The following PTPRN2 variants were observed in gnomAD, a reference collection of about 807,000 sequenced individuals.
PTPRN2 encodes the protein receptor-type tyrosine-protein phosphatase N2.
Under a neutral mutation model 118.8 loss-of-function variants are expected in PTPRN2, and 74 were observed. The ratio of observed to expected loss-of-function variants is 0.62; its 90% CI spans 0.52 to 0.76. The LOEUF is 0.76. Ranked by LOEUF, PTPRN2 falls within the 30% of genes least tolerant of loss-of-function variation. The pLI is 0.00. For missense variants in PTPRN2, 1,481 were observed against 1,394.4 expected, an observed-to-expected ratio of 1.06 and a Z score of -0.99; for synonymous variants, 641 against 608.0, an observed-to-expected ratio of 1.05 and a Z score of -0.80.
chr7:157,642,935 T>C (rs1285068254), intron 14 of PTPRN2, among the ~76,000 whole-genome samples: 1 of 150,488 alleles, frequency 6.6e-6, no homozygotes, highest in African/African-American at 2.4e-5. Flanking sequence ...TCACAGCAGC[T>C]TACCTCTTTC....
intron 2 of PTPRN2, among the ~76,000 whole-genome samples, chr7:158,370,103 G>A (rs940748850): frequency 3.9e-5 from 6 of 152,156 alleles, no homozygotes; most frequent in Non-Finnish European, 8.8e-5. Context: ...GGTGCACGGC[G>A]GTGACTGACT....
chr7:157,744,557 G>T (rs186457542), intron 12 of PTPRN2, among the ~76,000 whole-genome samples: 14 of 152,320 alleles, frequency 9.2e-5, no homozygotes, highest in Admixed American at 8.5e-4. Context: ...AACACAAATA[G>T]AGGTATAATA....
intron 6 of PTPRN2, among the ~76,000 whole-genome samples, chr7:158,154,308 C>A (rs1161769610): frequency 1.3e-5 from 2 of 152,192 alleles, no homozygotes; most frequent in African/African-American, 4.8e-5. Flanking sequence ...CTCATGAGCC[C>A]TCTGTGTGAA....
chr7:158,177,792 T>A (rs746355467), intron 5 of PTPRN2, among the ~76,000 whole-genome samples: 3 of 152,222 alleles, frequency 2.0e-5, no homozygotes, highest in Non-Finnish European at 4.4e-5. Flanking sequence ...TTTGGGTTTT[T>A]TCAGTTGTGG....
intron 2 of PTPRN2, among the ~76,000 whole-genome samples, chr7:158,323,911 C>A (rs572422023): frequency 6.6e-6 from 1 of 152,148 alleles, no homozygotes; most frequent in Non-Finnish European, 1.5e-5. Flanking sequence ...CTCCCATGCA[C>A]GGGACACTCA....
chr7:158,398,065 G>A (rs376692680), intron 2 of PTPRN2, among the ~76,000 whole-genome samples: 1 of 152,194 alleles, frequency 6.6e-6, no homozygotes, highest in Non-Finnish European at 1.5e-5. Context: ...ATTCTGTAGT[G>A]CTGATACATC....
At chr7:157,873,640 C>T (rs573309748) in intron 12 of PTPRN2, among the ~76,000 whole-genome samples, 9 of 105,556 alleles carry the variant, frequency 8.5e-5, no homozygotes, top group Non-Finnish European at 1.1e-4. Flanking sequence ...TCTGTCTCGT[C>T]GTGGGGGCCG....
intron 12 of PTPRN2, among the ~76,000 whole-genome samples, chr7:157,840,708 G>A (rs993124205): frequency 3.3e-5 from 5 of 152,356 alleles, no homozygotes; most frequent in Admixed American, 2.0e-4. Context: ...ACTCACAGCC[G>A]CCACCAGGCA....
At chr7:157,559,187 G>A (rs1005349798) in intron 21 of PTPRN2, among the ~76,000 whole-genome samples, 3 of 152,194 alleles carry the variant, frequency 2.0e-5, no homozygotes, top group East Asian at 1.9e-4. Context: ...TCAACACTAC[G>A]AGGGAGCCCC....
At chr7:158,071,328 CCCA>C (rs1249372117) in intron 11 of PTPRN2, among the ~76,000 whole-genome samples, 2 of 103,088 alleles carry the variant, frequency 1.9e-5, no homozygotes, top group African/African-American at 4.0e-5. Flanking sequence ...AGTGGAGGTG[CCCA>C]TGGTGGTGGA....
At position 157,603,923 on chromosome 7, in the gene PTPRN2, G is replaced by A. The variant is rs112698508; in HGVS notation, c.2418+79C>T. On this transcript the variant is annotated intron_variant, in intron 16 of 22. Transcript: ENST00000389418. The surrounding 1 kb of genome is among the most constrained non-coding windows in gnomAD (Gnocchi z 5.4). ...GCTGGGTGGGGACGTGATTTCCCCCGAGAACCTTCCCACGTGATTTGCCGC... is the reference window on the plus strand; with the variant it reads ...GCTGGGTGGGGACGTGATTTCCCCCAAGAACCTTCCCACGTGATTTGCCGC... 1.1e-3 allele frequency: 1,584 copies of A among 1,391,960 alleles called. 8 individuals are homozygous for A. The highest frequency in any genetic ancestry group is 9.2e-3 in the African/African-American group (649 of 70,652). The allele number at this position is 1,391,960 out of a possible 1,614,324, so 86.2% of individuals were successfully genotyped here. A position where few individuals can be genotyped will look rare whatever the true frequency, so the allele number is the denominator to read the frequency against.
chr7:158,143,438 C>T (rs558961915), intron 6 of PTPRN2, among the ~76,000 whole-genome samples: 44 of 152,292 alleles, frequency 2.9e-4, no homozygotes, highest in South Asian at 1.5e-3. Flanking sequence ...GCTTAGGAGG[C>T]GAGGGATGTC....
intron 1 of PTPRN2, among the ~76,000 whole-genome samples, chr7:158,564,957 A>G (rs1167608753): frequency 6.6e-6 from 1 of 152,094 alleles, no homozygotes; most frequent in East Asian, 1.9e-4. Flanking sequence ...CTTTAATGAG[A>G]GTTGCATTCT....
At chr7:157,713,698 C>A (rs546404265) in intron 12 of PTPRN2, among the ~76,000 whole-genome samples, 13 of 152,356 alleles carry the variant, frequency 8.5e-5, no homozygotes, top group African/African-American at 3.1e-4. Flanking sequence ...GTCCAACTCT[C>A]TTATTCCGGC....
chr7:158,042,290 G>T (rs1428626708), intron 11 of PTPRN2, among the ~76,000 whole-genome samples: 1 of 152,192 alleles, frequency 6.6e-6, no homozygotes, highest in Non-Finnish European at 1.5e-5. Context: ...GCCCCATCGT[G>T]CTTGACTCTT....
Position 157,702,449 on chromosome 7 carries a change from C to T in PTPRN2, c.1789-19512G>A, listed in dbSNP as rs567721442. ...GCTGGTGAACATGGGTGTCTCCCCT[C>T]AGAGAAGTAAGCTGAGGTGTGTGCA... is the stretch of plus-strand genomic sequence containing the variant. On this transcript the variant is annotated intron_variant, in intron 12 of 22. Coordinates refer to ENST00000389418, the MANE Select transcript of PTPRN2 (RefSeq NM_002847.5). Among the ~76,000 whole-genome samples, 3 of 152,316 alleles carry T rather than the reference C, an allele frequency of 2.0e-5. No homozygotes were observed. The South Asian group carries it at 6.2e-4, about 32-fold the overall frequency.
At chr7:158,450,425 T>C (rs1818019920) in intron 2 of PTPRN2, among the ~76,000 whole-genome samples, 1 of 152,144 alleles carries the variant, frequency 6.6e-6, no homozygotes, top group African/African-American at 2.4e-5. Flanking sequence ...ACCTCATAGA[T>C]ATAATAGAGA....
rs1563387140 is a variant in PTPRN2 at position 158,521,566 on chromosome 7, ACT to A, written c.113-31783_113-31782del. 9.8e-5 allele frequency among the ~76,000 whole-genome samples: 12 copies of A among 122,344 alleles called. 2 individuals carry two copies. Among genetic ancestry groups the A allele is most frequent in the South Asian group, 4.8e-4 (2 of 4,150 alleles). The allele number at this position is 122,344 out of a possible 152,430, so 80.3% of individuals were successfully genotyped here. On this transcript the variant is annotated intron_variant, in intron 1 of 22. Coordinates refer to ENST00000389418, the MANE Select transcript of PTPRN2 (RefSeq NM_002847.5). ...CATCGGAATGGTGGACTGTCCAGGT[ACT>A]GGCTCAGGGGGGAGGTCCACGTCAC...
intron 9 of PTPRN2, among the ~76,000 whole-genome samples, chr7:158,129,815 G>A (rs1818025256): frequency 1.3e-5 from 2 of 152,148 alleles, no homozygotes; most frequent in African/African-American, 4.8e-5. Context: ...TCTCCACTGG[G>A]CTTGAGAGCA....
Sources: gnomAD v4.1 joint callset for allele counts (sites outside exome capture counted in the v4.1 genomes callset) on GRCh38, gnomAD v4.1.1 for gene constraint, Gnocchi (gnomAD v3.1) non-coding constraint, MANE v1.5 for transcripts, NCBI Gene and HGNC (gene_info 2026-07-23, HGNC 2026-07-21) for gene names.